Variants in MYRIP observed in about 807,000 individuals in gnomAD.
MYRIP encodes the protein myosin VIIA and Rab interacting protein, also known as rab effector MyRIP.
In MYRIP, 49 loss-of-function variants were observed where a neutral mutation model predicts 98.0. That is an observed-to-expected ratio of 0.50 (90% CI 0.40 to 0.63). The LOEUF is 0.63. MYRIP is among the 30% of genes least tolerant of loss of function. The pLI is 0.00. For synonymous variants in MYRIP, 404 were observed against 409.5 expected (o/e 0.99, Z 0.16); for missense variants, 1,004 against 1,058.2 (o/e 0.95, Z 0.71).
At chr3:40,066,981 T>C (rs1201638121) in intron 3 of MYRIP, among the ~76,000 whole-genome samples, 1 of 152,220 alleles carries the variant, frequency 6.6e-6, no homozygotes, top group Non-Finnish European at 1.5e-5. Flanking sequence ...TGCTTTTCTG[T>C]CCTTTTTGCT....
chr3:39,993,908 G>A (rs1477246309), intron 2 of MYRIP, among the ~76,000 whole-genome samples: 1 of 152,182 alleles, frequency 6.6e-6, no homozygotes, highest in Non-Finnish European at 1.5e-5. Flanking sequence ...CATGATTTCA[G>A]TTAAACAATA....
intron 1 of MYRIP, among the ~76,000 whole-genome samples, chr3:39,878,990 T>A (rs1243952655): frequency 6.6e-6 from 1 of 151,610 alleles, no homozygotes; most frequent in East Asian, 1.9e-4. Flanking sequence ...CACTTGAACC[T>A]GGGAGGCGGA....
In MYRIP at chr3:39,919,717, T is replaced by TGA. The variant is rs769723675; in HGVS notation, c.110+18792_110+18793insAG. On this transcript the variant is annotated intron_variant, in intron 2 of 16. Transcript: ENST00000302541. ...TGGTGTGTGTGTGTGTGTGTGTGTG[T>TGA]GTGTGTGTGTGAGAGAGAGAGAGAG... Among the ~76,000 whole-genome samples, 914 of 148,932 alleles carry TGA rather than the reference T, an allele frequency of 6.1e-3. 6 individuals are homozygous for TGA. The highest frequency in any genetic ancestry group is 8.9e-3 in the Non-Finnish European group (599 of 67,420).
At chr3:40,076,315 G>A (rs1948342273) in intron 3 of MYRIP, among the ~76,000 whole-genome samples, 1 of 152,210 alleles carries the variant, frequency 6.6e-6, no homozygotes, top group Admixed American at 6.5e-5. Flanking sequence ...TGGCCAGTAT[G>A]TATATGTTCC....
Position 40,209,902 on chromosome 3 carries a change from C to A in MYRIP, c.1714C>A (p.Pro572Thr), listed in dbSNP as rs267599820. 1 of 1,613,708 alleles carries A rather than the reference C, an allele frequency of 6.2e-7. No homozygotes were observed. The highest frequency in any genetic ancestry group is 2.2e-5 in the East Asian group (1 of 44,864). Residue 572 changes from proline (P) to threonine (T), a missense_variant, in exon 11 of 17, where the codon CCC becomes ACC. By Grantham distance (38) the Pro-to-Thr change is conservative. Around this residue, in one of 3 missense-constraint regions of MYRIP, gnomAD observed 880 missense variants for 907.7 expected, o/e 0.97. Transcript: ENST00000302541. ...AGACATCAGCAATGAGGCTCGGGAT[C>A]CCCAGACTCTCACAGACACCACAGA... ...ETDISNEARD[P>T]QTLTDTTEEK...
intron 1 of MYRIP, among the ~76,000 whole-genome samples, chr3:39,838,670 CT>C (rs1270894934): frequency 1.3e-5 from 2 of 151,910 alleles, no homozygotes; most frequent in Non-Finnish European, 2.9e-5. Flanking sequence ...CTGAAATTTT[CT>C]TTTTTTGTTG....
At chr3:40,217,279 C>T (rs990971227) in intron 11 of MYRIP, among the ~76,000 whole-genome samples, 1 of 151,978 alleles carries the variant, frequency 6.6e-6, no homozygotes, top group African/African-American at 2.4e-5. Context: ...AATCACACAC[C>T]ACCAAAAATT....
rs1950577415 is a variant in MYRIP at position 40,169,953 on chromosome 3, A to G, written c.733A>G (p.Ile245Val). Residue 245 changes from isoleucine (I) to valine (V), a missense_variant, in exon 8 of 17, where the codon ATA (isoleucine) becomes GTA (valine). Ile to Val is a conservative substitution (Grantham distance 29, BLOSUM62 3). Coordinates refer to ENST00000302541, the MANE Select transcript of MYRIP (RefSeq NM_015460.4). ...TTTTTTGTCCTCCCCTCCCCAGATT[A>G]TACGAAAACAGAAGAGCAAAAGTGA... Reference protein sequence around the residue: ...ELATTILQKIIRKQKSKSEQQ... With the variant: ...ELATTILQKIVRKQKSKSEQQ... 1 of 1,614,192 alleles carries G rather than the reference A, an allele frequency of 6.2e-7. No individual in the cohort carries two copies. Among genetic ancestry groups the G allele is most frequent in the East Asian group, 2.2e-5 (1 of 44,880 alleles).
At chr3:40,133,852 C>T (rs567390012) in intron 3 of MYRIP, among the ~76,000 whole-genome samples, 3 of 152,292 alleles carry the variant, frequency 2.0e-5, no homozygotes, top group South Asian at 4.1e-4. Context: ...CATATAGATT[C>T]GACAACTCTC....
At chr3:39,972,579 C>T (rs911286138) in intron 2 of MYRIP, among the ~76,000 whole-genome samples, 7 of 151,996 alleles carry the variant, frequency 4.6e-5, no homozygotes, top group Non-Finnish European at 8.8e-5. Context: ...AAACCCCAAT[C>T]CTATTTCTGT....
intron 2 of MYRIP, among the ~76,000 whole-genome samples, chr3:40,027,382 T>A (rs2125813954): frequency 6.6e-6 from 1 of 152,248 alleles, no homozygotes; most frequent in African/African-American, 2.4e-5. Flanking sequence ...GATAGTTCCC[T>A]GCTCACATCC....
chr3:39,953,816 C>CAT (rs1945088168), intron 2 of MYRIP, among the ~76,000 whole-genome samples: 1 of 152,162 alleles, frequency 6.6e-6, no homozygotes, highest in Non-Finnish European at 1.5e-5. Context: ...TCAGGACACT[C>CAT]CCGCCCTAAT....
intron 3 of MYRIP, among the ~76,000 whole-genome samples, chr3:40,148,612 C>T (rs545959610): frequency 1.3e-5 from 2 of 152,286 alleles, no homozygotes; most frequent in South Asian, 4.1e-4. Flanking sequence ...TTTCACATCA[C>T]CCTAGCCTGT....
intron 2 of MYRIP, among the ~76,000 whole-genome samples, chr3:40,006,942 T>G (rs1946648352): frequency 6.6e-6 from 1 of 152,274 alleles, no homozygotes; most frequent in Admixed American, 6.5e-5. Context: ...GACCATAGTC[T>G]TGAGCTGCTG....
intron 2 of MYRIP, among the ~76,000 whole-genome samples, chr3:39,997,464 C>A (rs1477349780): frequency 6.6e-6 from 1 of 152,174 alleles, no homozygotes; most frequent in East Asian, 1.9e-4. Context: ...GACACATACA[C>A]CCTCCCAAGA....
chr3:40,051,705 C>T (rs550029986), intron 3 of MYRIP, among the ~76,000 whole-genome samples: 40 of 152,206 alleles, frequency 2.6e-4, no homozygotes, highest in African/African-American at 9.4e-4. Flanking sequence ...AAACACAGCT[C>T]ATTAAGCTTG....
At chr3:40,049,514 T>G (rs1947742876) in intron 3 of MYRIP, among the ~76,000 whole-genome samples, 2 of 152,072 alleles carry the variant, frequency 1.3e-5, no homozygotes, top group African/African-American at 4.8e-5. Flanking sequence ...GTGTTCTGAC[T>G]GCTCCACTGA....
intron 11 of MYRIP, 151 bp downstream of exon 11, chr3:40,210,244 C>G (rs1055128844): frequency 1.0e-6 from 1 of 985,550 alleles, no homozygotes; most frequent in Non-Finnish European, 1.5e-6. Flanking sequence ...CTAAGAGAAC[C>G]CTTCTTAACT....
At chr3:40,004,693 A>G (rs1946594194) in intron 2 of MYRIP, among the ~76,000 whole-genome samples, 1 of 152,088 alleles carries the variant, frequency 6.6e-6, no homozygotes. Flanking sequence ...TTGCATCCTC[A>G]TAGCTTAGCT....
Sources: gnomAD v4.1 joint callset for allele counts (sites outside exome capture counted in the v4.1 genomes callset) on GRCh38, gnomAD v4.1.1 for gene constraint, gnomAD v4.1.1 regional missense constraint, MANE v1.5 for transcripts, NCBI Gene and HGNC (gene_info 2026-07-23, HGNC 2026-07-21) for gene names.